SPMAP2L: variants seen among roughly 807,000 people sequenced by gnomAD.
SPMAP2L encodes sperm microtubule associated protein 2 like, also known as sperm microtubule associated protein 2-like.
chr4:56,550,022 A>G, the SPMAP2L span, among the ~76,000 whole-genome samples: 5 of 152,230 alleles, frequency 3.3e-5, no homozygotes, highest in African/African-American at 1.2e-4. Context: ...AAAGTAAATA[A>G]TACCAGATTT....
chr4:56,560,106 AC>A, the SPMAP2L span, among the ~76,000 whole-genome samples: 1 of 152,336 alleles, frequency 6.6e-6, no homozygotes, highest in South Asian at 2.1e-4. Flanking sequence ...ATACAAGGAT[AC>A]TTCCAGAATT....
At chr4:56,615,739 C>T in the SPMAP2L span, among the ~76,000 whole-genome samples, 7 of 150,110 alleles carry the variant, frequency 4.7e-5, no homozygotes, top group Non-Finnish European at 4.4e-5. Context: ...GAAAGTGAGA[C>T]TGTATCTCAA....
At chr4:56,548,279 T>C in the SPMAP2L span, among the ~76,000 whole-genome samples, 18 of 152,300 alleles carry the variant, frequency 1.2e-4, no homozygotes, top group South Asian at 3.5e-3. Context: ...CTTTTACTTA[T>C]GTTAGTTATT....
chr4:56,597,439 T>A, the SPMAP2L span, among the ~76,000 whole-genome samples: 1 of 152,058 alleles, frequency 6.6e-6, no homozygotes, highest in Non-Finnish European at 1.5e-5. Context: ...CCTATTCCAA[T>A]TGGGTTTTCA....
chr4:56,558,811 G>A, the SPMAP2L span, among the ~76,000 whole-genome samples: 1 of 150,102 alleles, frequency 6.7e-6, no homozygotes, highest in Non-Finnish European at 1.5e-5. Flanking sequence ...AGTTATATTT[G>A]ATGCTTTTTG....
At chr4:56,542,235 C>T in the SPMAP2L span, among the ~76,000 whole-genome samples, 2 of 152,234 alleles carry the variant, frequency 1.3e-5, no homozygotes, top group Non-Finnish European at 1.5e-5. Context: ...ACAGATTTTA[C>T]TATCTTCCCA....
the SPMAP2L span, among the ~76,000 whole-genome samples, chr4:56,620,419 C>G: frequency 7.8e-6 from 1 of 128,646 alleles, no homozygotes; most frequent in Non-Finnish European, 1.6e-5. Flanking sequence ...GAATTTTGTT[C>G]TTGTTGCCCA....
the SPMAP2L span, among the ~76,000 whole-genome samples, chr4:56,554,309 A>G: frequency 6.6e-6 from 1 of 152,202 alleles, no homozygotes; most frequent in Non-Finnish European, 1.5e-5. Flanking sequence ...CAAGCAATGA[A>G]GGAGAGTTCC....
chr4:56,537,928 T>C, the SPMAP2L span, among the ~76,000 whole-genome samples: 43 of 152,140 alleles, frequency 2.8e-4, no homozygotes, highest in Middle Eastern at 3.4e-3. Flanking sequence ...CTCCTGACCT[T>C]GTGATCTGCC....
chr4:56,556,671 G>A, the SPMAP2L span, among the ~76,000 whole-genome samples: 5 of 152,242 alleles, frequency 3.3e-5, no homozygotes, highest in South Asian at 4.1e-4. Context: ...TCAAGAGTTC[G>A]AGACAGCCTG....
At chr4:56,588,405 A>G in the SPMAP2L span, among the ~76,000 whole-genome samples, 1,593 of 151,648 alleles carry the variant, frequency 0.011, 31 homozygotes, top group African/African-American at 0.036. Flanking sequence ...AATGTCTAGA[A>G]GGGTTTTTCC....
At chr4:56,608,842 A>G in the SPMAP2L span, among the ~76,000 whole-genome samples, 2 of 152,174 alleles carry the variant, frequency 1.3e-5, no homozygotes, top group Non-Finnish European at 2.9e-5. Flanking sequence ...CAAGGGGGTG[A>G]GCCCACCTGG....
At chr4:56,580,622 G>A in the SPMAP2L span, among the ~76,000 whole-genome samples, 1 of 150,932 alleles carries the variant, frequency 6.6e-6, no homozygotes, top group East Asian at 1.9e-4. Context: ...TCTAACCAGG[G>A]CAATTAGGCA....
At chr4:56,560,336 C>A in the SPMAP2L span, among the ~76,000 whole-genome samples, 1 of 152,164 alleles carries the variant, frequency 6.6e-6, no homozygotes, top group South Asian at 2.1e-4. Flanking sequence ...CTCCCATCTT[C>A]TTCACCTTGC....
At chr4:56,540,203 A>T in the SPMAP2L span, among the ~76,000 whole-genome samples, 1 of 152,196 alleles carries the variant, frequency 6.6e-6, no homozygotes, top group African/African-American at 2.4e-5. Flanking sequence ...AGAATGTGAG[A>T]CTTGGCATGT....
At chr4:56,533,287 A>C in the SPMAP2L span, among the ~76,000 whole-genome samples, 1 of 151,978 alleles carries the variant, frequency 6.6e-6, no homozygotes, top group Non-Finnish European at 1.5e-5. Context: ...CAGTCAATTT[A>C]TTTTCCAGCT....
the SPMAP2L span, among the ~76,000 whole-genome samples, chr4:56,567,445 T>G: frequency 9.3e-6 from 1 of 107,306 alleles, no homozygotes; most frequent in Non-Finnish European, 1.8e-5. Flanking sequence ...TTTGGTGGTT[T>G]TTTTTTTTTT....
the SPMAP2L span, among the ~76,000 whole-genome samples, chr4:56,537,573 A>G: frequency 6.6e-6 from 1 of 152,160 alleles, no homozygotes. Context: ...AGTACAATGC[A>G]CCCAATGAAA....
chr4:56,552,733 C>T, the SPMAP2L span: 1 of 646,262 alleles, frequency 1.5e-6, no homozygotes, highest in South Asian at 1.9e-5. Flanking sequence ...ATTGTCACCT[C>T]ATTGTAGTCA....
Sources: gnomAD v4.1 joint callset for allele counts (sites outside exome capture counted in the v4.1 genomes callset) on GRCh38, gnomAD v4.1.1 for gene constraint, MANE v1.5 for transcripts, NCBI Gene and HGNC (gene_info 2026-07-23, HGNC 2026-07-21) for gene names.